Variants in TYW1B observed in about 807,000 individuals in gnomAD.
TYW1B encodes S-adenosyl-L-methionine-dependent tRNA 4-demethylwyosine synthase TYW1B.
Under a neutral mutation model 86.9 loss-of-function variants are expected in TYW1B, and 73 were observed. That is an observed-to-expected ratio of 0.84 (90% CI 0.70 to 1.02). The LOEUF is 1.02. Ranked by LOEUF, TYW1B falls within the 50% of genes least tolerant of loss-of-function variation. The probability of loss-of-function intolerance (pLI) is 0.00; values close to 1 mark genes in which losing one functional copy is unlikely to be tolerated. For synonymous variants in TYW1B, 248 were observed against 292.8 expected, an observed-to-expected ratio of 0.85 and a Z score of 1.56; for missense variants, 637 against 827.4, an observed-to-expected ratio of 0.77 and a Z score of 2.82.
chr7:72,654,647 G>A (rs1554443363), intron 11 of TYW1B, among the ~76,000 whole-genome samples: 1 of 152,216 alleles, frequency 6.6e-6, no homozygotes, highest in Admixed American at 6.5e-5. Context: ...TTGGGAGGTT[G>A]AGGCGAGTGG....
chr7:72,701,172 T>C (rs1179346886), intron 10 of TYW1B, among the ~76,000 whole-genome samples: 1 of 152,218 alleles, frequency 6.6e-6, no homozygotes, highest in Non-Finnish European at 1.5e-5. Context: ...GGCTTCCTTG[T>C]AGATGGATTC....
chr7:72,676,554 A>G (rs1334456820), intron 11 of TYW1B, among the ~76,000 whole-genome samples: 3 of 152,020 alleles, frequency 2.0e-5, no homozygotes, highest in African/African-American at 7.3e-5. Context: ...GGCAGGGTGG[A>G]TTTGCTGGCC....
intron 11 of TYW1B, among the ~76,000 whole-genome samples, chr7:72,666,575 A>G (rs1249441457): frequency 3.3e-5 from 5 of 152,192 alleles, no homozygotes; most frequent in South Asian, 2.1e-4. Context: ...AAGAACCACC[A>G]TATCACTGGC....
chr7:72,652,269 T>C (rs1813079820), intron 11 of TYW1B, among the ~76,000 whole-genome samples: 1 of 148,700 alleles, frequency 6.7e-6, no homozygotes, highest in South Asian at 2.2e-4. Context: ...TCCCAGCTAC[T>C]TGGGAGGCTG....
chr7:72,741,084 C>T (rs1440486544), intron 8 of TYW1B, among the ~76,000 whole-genome samples: 1 of 152,020 alleles, frequency 6.6e-6, no homozygotes, highest in Non-Finnish European at 1.5e-5. Context: ...TGCAAAGAAA[C>T]AAGTGTGGCC....
At chr7:72,751,597 A>G (rs1010973926) in intron 7 of TYW1B, among the ~76,000 whole-genome samples, 1 of 152,176 alleles carries the variant, frequency 6.6e-6, no homozygotes, top group Non-Finnish European at 1.5e-5. Flanking sequence ...AGCTACTTTA[A>G]AATCCTTGTC....
intron 11 of TYW1B, among the ~76,000 whole-genome samples, chr7:72,650,960 G>C (rs529916884): frequency 1.3e-5 from 2 of 152,272 alleles, no homozygotes; most frequent in Non-Finnish European, 2.9e-5. Context: ...AGTCGTATGT[G>C]TGTGAAAACA....
intron 10 of TYW1B, among the ~76,000 whole-genome samples, chr7:72,697,426 A>C (rs561893218): frequency 9.9e-5 from 15 of 152,246 alleles, no homozygotes; most frequent in African/African-American, 3.4e-4. Flanking sequence ...GAGAAGAGGA[A>C]AAGGTCCCCA....
chr7:72,820,238 G>A (rs1261023345), intron 2 of TYW1B, among the ~76,000 whole-genome samples: 5 of 152,102 alleles, frequency 3.3e-5, no homozygotes, highest in African/African-American at 2.4e-5. Flanking sequence ...TCGCACCACT[G>A]CACTCCAGCC....
chr7:72,614,330 T>C (rs1812013547), intron 13 of TYW1B, among the ~76,000 whole-genome samples: 1 of 152,168 alleles, frequency 6.6e-6, no homozygotes, highest in Non-Finnish European at 1.5e-5. Flanking sequence ...TGTCAATTTC[T>C]CATCCATAAG....
intron 11 of TYW1B, among the ~76,000 whole-genome samples, chr7:72,636,953 G>C (rs1812681715): frequency 6.6e-6 from 1 of 152,122 alleles, no homozygotes; most frequent in Admixed American, 6.6e-5. Context: ...GAGGCAGGTG[G>C]ATCACCTGAG....
In TYW1B at chr7:72,618,863, C is replaced by A. The variant is rs1169519748; in HGVS notation, c.1618-2024G>T. On this transcript the variant is annotated intron_variant, in intron 12 of 13. Coordinates refer to ENST00000620995, the MANE Select transcript of TYW1B (RefSeq NM_001145440.3). ...GCAGTGTAAGAAAATAAACAACTTG[C>A]TAAAACTGCTGAAACTCCCTCTGCT... is the stretch of plus-strand genomic sequence containing the variant. Among the ~76,000 whole-genome samples, 51 of 152,110 alleles carry A rather than the reference C, an allele frequency of 3.4e-4. 1 individual carries two copies. Among genetic ancestry groups the A allele is most frequent in the Admixed American group, 3.3e-3 (51 of 15,258 alleles).
At chr7:72,756,999 G>A (rs1198585505) in intron 7 of TYW1B, among the ~76,000 whole-genome samples, 7 of 152,092 alleles carry the variant, frequency 4.6e-5, no homozygotes, top group African/African-American at 1.4e-4. Flanking sequence ...CTGACAAGGC[G>A]GAGGAGAAAT....
intron 12 of TYW1B, among the ~76,000 whole-genome samples, chr7:72,617,190 AG>A (rs1402511991): frequency 6.6e-6 from 1 of 152,200 alleles, no homozygotes; most frequent in African/African-American, 2.4e-5. Context: ...GGAATTATGA[AG>A]GGGTTATCAC....
rs1191094995 is a variant in TYW1B at position 72,794,921 on chromosome 7, C to T, written c.846+7479G>A. Among the ~76,000 whole-genome samples, 8 of 151,740 alleles carry T rather than the reference C, an allele frequency of 5.3e-5. No homozygotes were observed. The Admixed American group carries it at 5.3e-4, about 10-fold the overall frequency. ...GCAACCTCTGAATCCCAGGCTCAAG[C>T]GATTCTCCTACCTCAGCCTCCCAGT... On this transcript the variant is annotated intron_variant, in intron 6 of 13. Coordinates refer to ENST00000620995, the MANE Select transcript of TYW1B (RefSeq NM_001145440.3).
At chr7:72,811,610 A>C (rs1554478260) in intron 3 of TYW1B, among the ~76,000 whole-genome samples, 1 of 151,982 alleles carries the variant, frequency 6.6e-6, no homozygotes, top group Admixed American at 6.6e-5. Flanking sequence ...GTGAATATCC[A>C]TATCAAGGCA....
At chr7:72,606,608 C>CG (rs1491434683) in intron 13 of TYW1B, among the ~76,000 whole-genome samples, 4 of 54,346 alleles carry the variant, frequency 7.4e-5, no homozygotes, top group South Asian at 8.0e-4. Context: ...AGCAATAAGG[C>CG]CCCCCCCCCG....
At chr7:72,683,395 C>A (rs1269261114) in intron 11 of TYW1B, among the ~76,000 whole-genome samples, 1 of 152,126 alleles carries the variant, frequency 6.6e-6, no homozygotes, top group Non-Finnish European at 1.5e-5. Context: ...CATGGTAAAA[C>A]CCCGTCTCTA....
chr7:72,712,381 T>C (rs145875186), intron 10 of TYW1B, among the ~76,000 whole-genome samples: 2,557 of 152,258 alleles, frequency 0.017, 82 homozygotes, highest in African/African-American at 0.057. Flanking sequence ...CAGGCTGGAG[T>C]GCAATGGTGC....
Sources: gnomAD v4.1 joint callset for allele counts (sites outside exome capture counted in the v4.1 genomes callset) on GRCh38, gnomAD v4.1.1 for gene constraint, MANE v1.5 for transcripts, NCBI Gene and HGNC (gene_info 2026-07-23, HGNC 2026-07-21) for gene names.